RANBP17: variants seen among roughly 807,000 people sequenced by gnomAD.
RANBP17 encodes RAN binding protein 17.
A neutral mutation model predicts 141.2 loss-of-function variants in RANBP17; 158 were observed. The observed-to-expected ratio is 1.12, with a 90% confidence interval of 0.98 to 1.28. RANBP17 has a LOEUF of 1.28. Ranked by LOEUF, RANBP17 falls within the 50% of genes most tolerant of loss-of-function variation. The probability of loss-of-function intolerance (pLI) is 0.00; values close to 1 mark genes in which losing one functional copy is unlikely to be tolerated. For synonymous variants in RANBP17, 430 were observed against 450.0 expected (o/e 0.96, Z 0.56); for missense variants, 1,438 against 1,290.7 (o/e 1.11, Z -1.75).
intron 18 of RANBP17, among the ~76,000 whole-genome samples, chr5:171,196,031 CTG>C (rs1761958972): frequency 6.6e-6 from 1 of 152,188 alleles, no homozygotes; most frequent in South Asian, 2.1e-4. Flanking sequence ...TGGGGATACT[CTG>C]TGATGGAAAT....
At chr5:171,292,629 T>C (rs1768561853) in intron 25 of RANBP17, among the ~76,000 whole-genome samples, 1 of 152,160 alleles carries the variant, frequency 6.6e-6, no homozygotes, top group South Asian at 2.1e-4. Flanking sequence ...CTGCCCTCTT[T>C]TGGGGAAAGG....
At chr5:171,271,031 T>C (rs1767066338) in intron 25 of RANBP17, 1 of 164,506 alleles carries the variant, frequency 6.1e-6, no homozygotes, top group South Asian at 2.1e-4. Context: ...GTGATTTTCT[T>C]TCTCTCCCTT....
At chr5:171,098,415 GT>G (rs1318151001) in intron 14 of RANBP17, among the ~76,000 whole-genome samples, 1 of 152,002 alleles carries the variant, frequency 6.6e-6, no homozygotes, top group African/African-American at 2.4e-5. Flanking sequence ...TCATATATTT[GT>G]TGGCCACATA....
intron 22 of RANBP17, among the ~76,000 whole-genome samples, chr5:171,233,203 A>T (rs1264155159): frequency 6.6e-6 from 1 of 152,190 alleles, no homozygotes. Context: ...AAAAGAAGGT[A>T]ATAAGTGCTA....
At chr5:171,237,592 A>G (rs1764620101) in intron 22 of RANBP17, among the ~76,000 whole-genome samples, 1 of 152,210 alleles carries the variant, frequency 6.6e-6, no homozygotes, top group Non-Finnish European at 1.5e-5. Context: ...CTCAGTGGGA[A>G]ACAATTAGAG....
chr5:171,261,784 G>C (rs927073681), intron 24 of RANBP17, among the ~76,000 whole-genome samples: 1 of 152,150 alleles, frequency 6.6e-6, no homozygotes, highest in African/African-American at 2.4e-5. Flanking sequence ...ACCTCTGCCT[G>C]TGTTTTATGT....
intron 27 of RANBP17, among the ~76,000 whole-genome samples, chr5:171,298,385 G>C (rs996528671): frequency 6.6e-6 from 1 of 152,204 alleles, no homozygotes; most frequent in Non-Finnish European, 1.5e-5. Flanking sequence ...ATGACTAAAT[G>C]AGTTGATCAG....
intron 14 of RANBP17, among the ~76,000 whole-genome samples, chr5:171,002,776 G>A (rs1377807269): frequency 1.3e-5 from 2 of 152,152 alleles, no homozygotes; most frequent in Non-Finnish European, 2.9e-5. Flanking sequence ...AGTAAACCAA[G>A]TGTGATCAGA....
intron 13 of RANBP17, among the ~76,000 whole-genome samples, chr5:170,961,542 A>G (rs991449773): frequency 1.3e-5 from 2 of 152,196 alleles, no homozygotes; most frequent in Non-Finnish European, 2.9e-5. Context: ...GAAATTTGAA[A>G]TGCTTCAAAA....
At chr5:171,150,455 A>G (rs1194557556) in intron 14 of RANBP17, among the ~76,000 whole-genome samples, 2 of 151,890 alleles carry the variant, frequency 1.3e-5, no homozygotes, top group Non-Finnish European at 2.9e-5. Flanking sequence ...AGCATTACAC[A>G]ATTTGATGAA....
At chr5:170,881,391 A>G (rs2127357367) in intron 2 of RANBP17, among the ~76,000 whole-genome samples, 1 of 152,308 alleles carries the variant, frequency 6.6e-6, no homozygotes, top group East Asian at 1.9e-4. Context: ...CACGGAGGTC[A>G]GGGTGGGGAA....
At chr5:170,868,188 CTA>C (rs1347952123) in intron 1 of RANBP17, among the ~76,000 whole-genome samples, 2 of 152,164 alleles carry the variant, frequency 1.3e-5, no homozygotes, top group East Asian at 3.8e-4. Flanking sequence ...CTTATTTAGA[CTA>C]TGGTCAAGTT....
rs371693546 is a variant in RANBP17 at position 170,868,417 on chromosome 5, T to TTTG, written c.18+6392_18+6394dup. The stretch of plus-strand genomic sequence containing the variant: ...GCATGTGCTACCACACCTGGCTGAT[T>TTTG]TTGTTGTTGTTGTTGTTGTTGTTGT... On this transcript the variant is annotated intron_variant, in intron 1 of 27. Coordinates refer to ENST00000523189, the MANE Select transcript of RANBP17 (RefSeq NM_022897.5). Among the ~76,000 whole-genome samples, 459 of 151,620 alleles carry TTTG rather than the reference T, an allele frequency of 3.0e-3. 1 individual carries two copies. Among genetic ancestry groups the TTTG allele is most frequent in the Middle Eastern group, 0.01 (3 of 294 alleles).
intron 25 of RANBP17, among the ~76,000 whole-genome samples, chr5:171,283,517 C>T (rs1346454114): frequency 6.6e-6 from 1 of 152,166 alleles, no homozygotes; most frequent in Non-Finnish European, 1.5e-5. Context: ...CATTAGATAA[C>T]TATAAATAAA....
At position 171,199,302 on chromosome 5, in the gene RANBP17, G is replaced by A. The variant is rs573772538; in HGVS notation, c.2039-368G>A. On this transcript the variant is annotated intron_variant, in intron 18 of 27. Coordinates refer to ENST00000523189, the MANE Select transcript of RANBP17 (RefSeq NM_022897.5). ...CCTTTAGGGCCTTGGCACCCAAAGA[G>A]AAGGGGGAAAAAAAAAACACTGCGT... 2.0e-5 allele frequency among the ~76,000 whole-genome samples: 3 copies of A among 152,118 alleles called. No homozygotes were observed. In the South Asian group the frequency reaches 6.2e-4, roughly 32 times the overall value.
chr5:170,929,381 A>G (rs574356797), intron 12 of RANBP17, among the ~76,000 whole-genome samples: 1 of 152,288 alleles, frequency 6.6e-6, no homozygotes, highest in African/African-American at 2.4e-5. Flanking sequence ...GAAGACGTTC[A>G]TGAGTTTGAG....
intron 14 of RANBP17, among the ~76,000 whole-genome samples, chr5:171,058,919 T>A (rs887630656): frequency 7.2e-5 from 11 of 152,022 alleles, no homozygotes; most frequent in African/African-American, 2.7e-4. Flanking sequence ...CCAGTGATGA[T>A]GAGCATTTTT....
At chr5:171,237,176 G>T (rs1215441024) in intron 22 of RANBP17, among the ~76,000 whole-genome samples, 4 of 152,268 alleles carry the variant, frequency 2.6e-5, no homozygotes, top group South Asian at 4.2e-4. Flanking sequence ...GTCTAGAAGG[G>T]TACTTCTGAG....
chr5:170,967,048 T>C (rs1465508067), intron 13 of RANBP17, among the ~76,000 whole-genome samples: 1 of 152,052 alleles, frequency 6.6e-6, no homozygotes, highest in East Asian at 1.9e-4. Flanking sequence ...TAAAAGAGGA[T>C]ACAAAGAAAT....
Sources: allele counts gnomAD v4.1 joint callset (sites outside exome capture counted in the v4.1 genomes callset), GRCh38; gene constraint gnomAD v4.1.1; transcripts MANE v1.5; gene names NCBI Gene and HGNC (gene_info 2026-07-23, HGNC 2026-07-21).